The following FREM1 variants were observed in gnomAD, a reference collection of about 807,000 sequenced individuals.
FREM1 encodes FRAS1-related extracellular matrix protein 1.
A neutral mutation model predicts 210.1 loss-of-function variants in FREM1; 220 were observed. The observed-to-expected ratio is 1.05, with a 90% CI of 0.94 to 1.17. The LOEUF is 1.17. FREM1 is among the 50% of genes most tolerant of loss of function. FREM1 has a pLI of 0.00. For missense variants in FREM1, 3,454 were observed against 2,675.5 expected (o/e 1.29, Z -6.42); for synonymous variants, 1,189 against 980.2 (o/e 1.21, Z -3.98).
chr9:14,875,625 C>T (rs1019459545), intron 1 of FREM1, among the ~76,000 whole-genome samples: 2 of 152,088 alleles, frequency 1.3e-5, no homozygotes, highest in Non-Finnish European at 2.9e-5. Context: ...TTTGAATTTC[C>T]TCCTGTAGCT....
chr9:14,747,719 A>G lies in FREM1; in HGVS notation c.5806T>C (p.Ser1936Pro). 3 of 1,541,686 alleles carry G rather than the reference A, an allele frequency of 1.9e-6. No individual in the cohort carries two copies. Among genetic ancestry groups the G allele is most frequent in the Non-Finnish European group, 2.6e-6 (3 of 1,140,198 alleles). The change falls in exon 32 of 37, where the codon TCC (serine) becomes CCC (proline). Residue 1936 changes from serine to proline, a missense_variant. Ser to Pro is a moderately conservative substitution (Grantham distance 74, BLOSUM62 -1). Transcript: ENST00000380880. ...TRGNGKTVRPSSVYRNGTDII... is the reference protein window; with the variant it reads ...TRGNGKTVRPPSVYRNGTDII... Reference sequence around the variant, plus strand: ...TCTGTTCCATTTCTATAAACAGAGGATGGACGAACCTGAAATTGACAGAGA... The same window carrying G: ...TCTGTTCCATTTCTATAAACAGAGGGTGGACGAACCTGAAATTGACAGAGA...
intron 3 of FREM1, among the ~76,000 whole-genome samples, chr9:14,861,280 T>C (rs748901395): frequency 0.18 from 17,299 of 93,778 alleles, 2,828 homozygotes; most frequent in Non-Finnish European, 0.2. Context: ...CATATATACA[T>C]ATATACATAT....
chr9:14,742,876 A>AT (rs942459930), intron 35 of FREM1, among the ~76,000 whole-genome samples: 1 of 152,156 alleles, frequency 6.6e-6, no homozygotes. Flanking sequence ...GAAACCTGCT[A>AT]TACTTAGGGG....
intron 18 of FREM1, among the ~76,000 whole-genome samples, chr9:14,806,267 T>TTG: frequency 8.6e-6 from 1 of 116,428 alleles, no homozygotes; most frequent in African/African-American, 2.8e-5. Flanking sequence ...TTTTTTTTTT[T>TTG]TTTTGAGACG....
intron 7 of FREM1, among the ~76,000 whole-genome samples, chr9:14,847,014 G>A (rs946961543): frequency 2.6e-5 from 4 of 152,210 alleles, no homozygotes; most frequent in East Asian, 1.9e-4. Flanking sequence ...AGGGGACCCA[G>A]GAAGTGTGTG....
chr9:14,737,524 T>G lies in FREM1; in HGVS notation c.6412A>C (p.Arg2138=). 6.2e-7 allele frequency: 1 copy of G among 1,611,792 alleles called. No individual in the cohort carries two copies. The highest frequency in any genetic ancestry group is 8.5e-7 in the Non-Finnish European group (1 of 1,178,758). Residue 2138 remains arginine (R), a synonymous_variant, in exon 37 of 37, where the codon AGA becomes CGA. Transcript: ENST00000380880. ...TTGGAGCGTTGAGAGGGCCCTCTTC[T>G]CCCATTGGTGAAGGCAACAGGTTCA... ...GGEPVAFTNG[R]RGPSQRSKLG...
intron 7 of FREM1, among the ~76,000 whole-genome samples, chr9:14,846,985 G>A (rs1475950647): frequency 6.6e-6 from 1 of 152,194 alleles, no homozygotes. Flanking sequence ...CAACCTTGTG[G>A]CTGATCAGGC....
intron 28 of FREM1, among the ~76,000 whole-genome samples, chr9:14,757,366 C>T (rs1212709189): frequency 1.3e-5 from 2 of 152,094 alleles, no homozygotes; most frequent in African/African-American, 4.8e-5. Context: ...ACCAACCTGG[C>T]CAACATGGTG....
rs567381981 is a variant in FREM1 at position 14,780,876 on chromosome 9, G to A, written c.4442+3494C>T. Among the ~76,000 whole-genome samples the A allele has an allele frequency of 7.2e-5, 11 of 152,262 alleles. 1 individual carries two copies. In the South Asian group the frequency reaches 1.9e-3, roughly 26 times the overall value. On this transcript the variant is annotated intron_variant, in intron 24 of 36. Transcript: ENST00000380880. ...AACAGGCTTTCAGCTTTGGTTTAGCGCCACTTGACAAACAACATAGCAGTC... is the reference window on the plus strand; with the variant it reads ...AACAGGCTTTCAGCTTTGGTTTAGCACCACTTGACAAACAACATAGCAGTC...
chr9:14,904,114 C>CAAAAAA (rs35708320), intron 1 of FREM1, among the ~76,000 whole-genome samples: 2 of 71,666 alleles, frequency 2.8e-5, no homozygotes, highest in African/African-American at 5.8e-5. Flanking sequence ...GACTCCGTCT[C>CAAAAAA]AAAAAAAAAA....
chr9:14,770,665 G>A lies in FREM1; in HGVS notation c.4999C>T (p.Gln1667Ter), dbSNP rs777133013. The A allele has an allele frequency of 6.2e-7, 1 of 1,613,500 alleles. No individual in the cohort carries two copies. The highest frequency in any genetic ancestry group is 8.5e-7 in the Non-Finnish European group (1 of 1,179,554). Residue 1667 changes from glutamine to a stop codon, truncating the protein, a stop_gained, in exon 26 of 37, where the codon CAG becomes TAG. Transcript: ENST00000380880. LOFTEE classifies it high-confidence loss of function. Reference protein sequence around the residue: ...KASDPDTEDDQIIFKILQGPK... With the variant: ...KASDPDTEDD The stretch of plus-strand genomic sequence containing the variant: ...CCTTGTAGAATTTTAAAGATGATCT[G>A]ATCGTCCTCAGTGTCAGGGTCTGAT...
chr9:14,887,314 C>T (rs1308992330), intron 1 of FREM1, among the ~76,000 whole-genome samples: 1 of 152,182 alleles, frequency 6.6e-6, no homozygotes, highest in Non-Finnish European at 1.5e-5. Flanking sequence ...AAGTGACTTG[C>T]CTGAGGTCCC....
Position 14,801,815 on chromosome 9 carries a change from G to A in FREM1, c.3531C>T (p.Asp1177=). Residue 1177 remains aspartate, a synonymous_variant, in exon 20 of 37, where the codon GAC becomes GAT. Transcript: ENST00000380880. The part of the protein sequence containing the change: ...DSSIISAVDL[D]IPQDALLFSI... ...TGAACAGCAGGGCATCCTGGGGAAT[G>A]TCCAGGTCCACAGCGCTGATGATGG... 4 of 1,613,974 alleles carry A rather than the reference G, an allele frequency of 2.5e-6. No homozygotes were observed. Among genetic ancestry groups the A allele is most frequent in the Non-Finnish European group, 3.4e-6 (4 of 1,179,876 alleles).
intron 2 of FREM1, among the ~76,000 whole-genome samples, chr9:14,868,386 T>G (rs1297917219): frequency 6.6e-6 from 1 of 152,162 alleles, no homozygotes; most frequent in Non-Finnish European, 1.5e-5. Flanking sequence ...GAGGAGAAAT[T>G]GGAAAGACTT....
At chr9:14,807,674 G>GACACACAC (rs34499233) in intron 17 of FREM1, among the ~76,000 whole-genome samples, 2 of 149,626 alleles carry the variant, frequency 1.3e-5, no homozygotes, top group Non-Finnish European at 3.0e-5. Flanking sequence ...CACACACAAA[G>GACACACAC]ACACACACAC....
chr9:14,808,746 TG>T (rs1297690014), intron 16 of FREM1, among the ~76,000 whole-genome samples: 1 of 152,238 alleles, frequency 6.6e-6, no homozygotes, highest in Non-Finnish European at 1.5e-5. Flanking sequence ...TTCTTTTCAC[TG>T]TTTAGGTCTT....
Position 14,813,028 on chromosome 9 carries a change from C to G in FREM1, c.2677G>C (p.Ala893Pro). The change falls in exon 16 of 37, where the codon GCT becomes CCT. Residue 893 changes from alanine (A) to proline (P), a missense_variant. Transcript: ENST00000380880. ...PVNDEPPVLK[A>P]DLMPVMNCSE... ...CAATTCATGACAGGCATGAGGTCAG[C>G]CTTTAAGACTGGTGGCTCATCGTTG... The G allele has an allele frequency of 6.2e-7, 1 of 1,612,876 alleles. No homozygotes were observed. The highest frequency in any genetic ancestry group is 8.5e-7 in the Non-Finnish European group (1 of 1,179,110).
intron 27 of FREM1, among the ~76,000 whole-genome samples, chr9:14,768,576 C>G (rs940911787): frequency 5.3e-5 from 8 of 152,132 alleles, no homozygotes; most frequent in East Asian, 1.9e-4. Context: ...AGTAGCCACT[C>G]GATAAAAGTC....
At chr9:14,872,773 T>C (rs1832920338) in intron 1 of FREM1, among the ~76,000 whole-genome samples, 1 of 151,862 alleles carries the variant, frequency 6.6e-6, no homozygotes, top group Middle Eastern at 3.4e-3. Context: ...GCTTCCAGTT[T>C]TTGCCCATTC....
Sources: gnomAD v4.1 joint callset for allele counts (sites outside exome capture counted in the v4.1 genomes callset) on GRCh38, gnomAD v4.1.1 for gene constraint, MANE v1.5 for transcripts, NCBI Gene and HGNC (gene_info 2026-07-23, HGNC 2026-07-21) for gene names.